STAG1: variants seen among roughly 807,000 people sequenced by gnomAD.
STAG1 encodes the protein STAG1 cohesin complex component, also known as cohesin subunit SA-1.
A neutral mutation model predicts 170.9 loss-of-function variants in STAG1; 26 were observed. The ratio of observed to expected loss-of-function variants is 0.15; its 90% CI spans 0.11 to 0.21. The LOEUF (loss-of-function observed/expected upper bound fraction) is 0.21, where lower values mean the gene tolerates loss of function less well. STAG1 is among the 10% of genes least tolerant of loss of function. The pLI is 1.00. For missense variants in STAG1, 964 were observed against 1,509.5 expected, an observed-to-expected ratio of 0.64 and a Z score of 5.99; for synonymous variants, 514 against 497.7, an observed-to-expected ratio of 1.03 and a Z score of -0.44.
At chr3:136,503,189 CTTAGATGTT>C (rs1375604433) in intron 7 of STAG1, among the ~76,000 whole-genome samples, 1 of 152,094 alleles carries the variant, frequency 6.6e-6, no homozygotes, top group Non-Finnish European at 1.5e-5. Flanking sequence ...TCAAAGGTAC[CTTAGATGTT>C]TTAGATGTTT....
At chr3:136,361,323 T>C (rs541447246) in intron 26 of STAG1, among the ~76,000 whole-genome samples, 6 of 152,366 alleles carry the variant, frequency 3.9e-5, no homozygotes, top group South Asian at 2.1e-4. Flanking sequence ...CCCCTGTTGA[T>C]AGACATTTAG....
At chr3:136,463,702 A>T (rs1576491483) in intron 13 of STAG1, among the ~76,000 whole-genome samples, 1 of 136,450 alleles carries the variant, frequency 7.3e-6, no homozygotes, top group African/African-American at 2.9e-5. Context: ...AGACAGCAAG[A>T]CCCCATCTCT....
intron 1 of STAG1, among the ~76,000 whole-genome samples, chr3:136,698,725 A>G (rs1042768848): frequency 1.6e-4 from 24 of 152,228 alleles, no homozygotes; most frequent in African/African-American, 5.8e-4. Flanking sequence ...TAAGCAAAGG[A>G]AAAGTCATTA....
intron 8 of STAG1, among the ~76,000 whole-genome samples, chr3:136,502,175 T>TC (rs201709669): frequency 2.7e-5 from 4 of 149,798 alleles, no homozygotes; most frequent in African/African-American, 9.8e-5. Flanking sequence ...CGAAACTCCA[T>TC]CCCCCAAAAA....
intron 1 of STAG1, among the ~76,000 whole-genome samples, chr3:136,747,093 T>TAAAAA (rs71134408): frequency 0.041 from 2,435 of 59,008 alleles, 234 homozygotes; most frequent in Non-Finnish European, 0.052. Flanking sequence ...TGAAACTGTC[T>TAAAAA]AAAAAAAAAA....
chr3:136,549,389 C>T (rs1048913396), intron 5 of STAG1, among the ~76,000 whole-genome samples: 3 of 152,008 alleles, frequency 2.0e-5, no homozygotes, highest in Non-Finnish European at 4.4e-5. Flanking sequence ...CGGCTCACTG[C>T]AACCTCCGTC....
chr3:136,586,879 C>G, intron 4 of STAG1: 1 of 456,644 alleles, frequency 2.2e-6, no homozygotes, highest in Non-Finnish European at 4.4e-6. Context: ...CACTGCTTCT[C>G]TTTCTCTCTC....
chr3:136,498,210 TTATATATATATA>T (rs374645920), intron 9 of STAG1, among the ~76,000 whole-genome samples: 7 of 50,840 alleles, frequency 1.4e-4, no homozygotes, highest in South Asian at 6.5e-4. Flanking sequence ...AAAAAAAAAA[TTATATATATATA>T]TATATATATA....
chr3:136,653,650 T>C (rs542397437), intron 1 of STAG1, among the ~76,000 whole-genome samples: 3 of 152,342 alleles, frequency 2.0e-5, no homozygotes, highest in East Asian at 1.9e-4. Context: ...TGGCCCACAG[T>C]AGCACAGTTA....
At chr3:136,340,432 A>C in intron 32 of STAG1, 59 bp downstream of exon 32, 1 of 1,145,284 alleles carries the variant, frequency 8.7e-7, no homozygotes. Flanking sequence ...TAAGAGGATC[A>C]TCTTACACCA....
At chr3:136,361,362 G>C (rs1560057903) in intron 26 of STAG1, among the ~76,000 whole-genome samples, 1 of 152,108 alleles carries the variant, frequency 6.6e-6, no homozygotes, top group African/African-American at 2.4e-5. Context: ...CTATTACAGA[G>C]ACTGCTGCAA....
At chr3:136,651,848 G>A (rs978793823) in intron 1 of STAG1, among the ~76,000 whole-genome samples, 1 of 152,112 alleles carries the variant, frequency 6.6e-6, no homozygotes, top group Admixed American at 6.6e-5. Context: ...TAAGCTCTGT[G>A]AAAACCAAGG....
At chr3:136,532,219 T>C (rs1248784952) in intron 6 of STAG1, among the ~76,000 whole-genome samples, 2 of 152,146 alleles carry the variant, frequency 1.3e-5, no homozygotes, top group Non-Finnish European at 2.9e-5. Context: ...AACTATACAC[T>C]AACAAATTGC....
chr3:136,733,503 A>G (rs1576826982), intron 1 of STAG1, among the ~76,000 whole-genome samples: 1 of 152,188 alleles, frequency 6.6e-6, no homozygotes, highest in East Asian at 1.9e-4. Flanking sequence ...CCCATTTTAC[A>G]GATGAGAAAA....
At chr3:136,628,270 G>GTCAACTACA (rs1181183182) in intron 2 of STAG1, among the ~76,000 whole-genome samples, 10 of 152,118 alleles carry the variant, frequency 6.6e-5, no homozygotes, top group South Asian at 4.2e-4. Flanking sequence ...CATGCCATGA[G>GTCAACTACA]TCAACTAAAT....
At position 136,606,240 on chromosome 3, in the gene STAG1, G is replaced by A. The variant is rs147558007; in HGVS notation, c.133-1767C>T. On this transcript the variant is annotated intron_variant, in intron 3 of 33. Transcript: ENST00000383202. The stretch of plus-strand genomic sequence containing the variant: ...GTCTCACTCTGTTGCCCAGGCTGGA[G>A]TGCAGTGACACAATCTCGACTCACT... Among the ~76,000 whole-genome samples, 572 of 151,632 alleles carry A rather than the reference G, an allele frequency of 3.8e-3. 3 individuals carry two copies. The highest frequency in any genetic ancestry group is 0.013 in the African/African-American group (541 of 41,332).
chr3:136,463,742 T>TGC (rs1437580761), intron 13 of STAG1, among the ~76,000 whole-genome samples: 3,856 of 79,418 alleles, frequency 0.049, 109 homozygotes, highest in East Asian at 0.14. Context: ...TATATGTGTG[T>TGC]GTGTGTGTGT....
chr3:136,369,327 AACT>A, intron 23 of STAG1, 45 bp from the exon 24 acceptor site: 1 of 1,463,730 alleles, frequency 6.8e-7, no homozygotes, highest in Non-Finnish European at 9.2e-7. Flanking sequence ...ACACAAATAT[AACT>A]ACAAGTCAAC....
chr3:136,683,757 GTC>G (rs1942422141), intron 1 of STAG1, among the ~76,000 whole-genome samples: 1 of 152,172 alleles, frequency 6.6e-6, no homozygotes, highest in Non-Finnish European at 1.5e-5. Context: ...AGTCAAAACA[GTC>G]TCTGTTCCCA....
Sources: gnomAD v4.1 joint callset for allele counts (sites outside exome capture counted in the v4.1 genomes callset) on GRCh38, gnomAD v4.1.1 for gene constraint, MANE v1.5 for transcripts, NCBI Gene and HGNC (gene_info 2026-07-23, HGNC 2026-07-21) for gene names.